Variants in ZMIZ1 observed in about 807,000 individuals in gnomAD.
The protein encoded by ZMIZ1 is zinc finger MIZ-type containing 1.
In ZMIZ1, 17 loss-of-function variants were observed where a neutral mutation model predicts 113.9. The observed-to-expected ratio is 0.15, with a 90% CI of 0.10 to 0.22. ZMIZ1 has a LOEUF of 0.22. Ranked by LOEUF, ZMIZ1 falls within the 10% of genes least tolerant of loss-of-function variation. ZMIZ1 has a pLI of 1.00. For synonymous variants in ZMIZ1, 607 were observed against 603.1 expected (o/e 1.01, Z -0.09); for missense variants, 1,059 against 1,477.8 (o/e 0.72, Z 4.65).
At chr10:79,166,002 G>GTGTGTGTGTGTGTGTGTGT (rs56386650) in intron 4 of ZMIZ1, among the ~76,000 whole-genome samples, 46 of 13,450 alleles carry the variant, frequency 3.4e-3, no homozygotes, top group East Asian at 6.2e-3. Context: ...GTGTGTGTGT[G>GTGTGTGTGTGTGTGTGTGT]GGCTCTCCCT....
At chr10:79,111,224 G>A (rs546249600) in intron 1 of ZMIZ1, among the ~76,000 whole-genome samples, 1 of 152,276 alleles carries the variant, frequency 6.6e-6, no homozygotes, top group East Asian at 1.9e-4. Flanking sequence ...TGGCACCCAG[G>A]CCAGGGCAGG....
Position 79,293,452 on chromosome 10 carries a change from G to C in ZMIZ1, c.1029G>C (p.Gly343=). ...GGCCGCGGGGGCCTGCCTCCATGGG[G>C]GGCAGCATGAACCCCGCGAGCATGG... The part of the protein sequence containing the change: ...QPGPRGPASM[G]GSMNPASMAA... Residue 343 remains glycine, a synonymous_variant, in exon 12 of 25, where the codon GGG becomes GGC. Coordinates refer to ENST00000334512, the MANE Select transcript of ZMIZ1 (RefSeq NM_020338.4). 1 of 1,548,980 alleles carries C rather than the reference G, an allele frequency of 6.5e-7. No homozygotes were observed. The highest frequency in any genetic ancestry group is 8.7e-7 in the Non-Finnish European group (1 of 1,146,760).
At chr10:79,280,823 C>A (rs1283189092) in intron 8 of ZMIZ1, among the ~76,000 whole-genome samples, 1 of 152,110 alleles carries the variant, frequency 6.6e-6, no homozygotes, top group Non-Finnish European at 1.5e-5. Context: ...CTCTGTGTAC[C>A]CTTTGCTAAA....
intron 7 of ZMIZ1, among the ~76,000 whole-genome samples, chr10:79,272,510 C>A (rs1030122354): frequency 6.6e-6 from 1 of 152,246 alleles, no homozygotes; most frequent in African/African-American, 2.4e-5. Context: ...GTCCTCCCAG[C>A]CTGCGGAGCT....
chr10:79,190,289 G>T (rs746299255), intron 4 of ZMIZ1, among the ~76,000 whole-genome samples: 17 of 152,222 alleles, frequency 1.1e-4, no homozygotes, highest in Non-Finnish European at 2.5e-4. Context: ...CAGCAGGGGT[G>T]GACTGGATGT....
At chr10:79,185,797 G>C (rs1847328501) in intron 4 of ZMIZ1, among the ~76,000 whole-genome samples, 1 of 82,166 alleles carries the variant, frequency 1.2e-5, no homozygotes. Flanking sequence ...GGAAGAGATG[G>C]TTTTAGAAAA....
chr10:79,093,099 A>G (rs1843033646), intron 1 of ZMIZ1, among the ~76,000 whole-genome samples: 1 of 149,452 alleles, frequency 6.7e-6, no homozygotes, highest in Non-Finnish European at 1.5e-5. Context: ...CAAGCTTCAG[A>G]TAATTATTAT....
chr10:79,308,099 G>A (rs528715889), intron 23 of ZMIZ1, among the ~76,000 whole-genome samples: 22 of 152,320 alleles, frequency 1.4e-4, no homozygotes, highest in South Asian at 2.1e-4. Context: ...GGCTGAGGAC[G>A]TCCCTGGTGG....
intron 1 of ZMIZ1, among the ~76,000 whole-genome samples, chr10:79,103,830 G>T (rs537219671): frequency 6.6e-6 from 1 of 152,300 alleles, no homozygotes; most frequent in East Asian, 1.9e-4. Context: ...CCGGTCCCCT[G>T]GCTTGGAGGC....
intron 1 of ZMIZ1, among the ~76,000 whole-genome samples, chr10:79,081,547 G>A (rs1384770434): frequency 6.6e-6 from 1 of 152,180 alleles, no homozygotes; most frequent in African/African-American, 2.4e-5. Context: ...GCCTCTTGCA[G>A]CATGCTCGCC....
At chr10:79,179,935 C>T (rs1180261119) in intron 4 of ZMIZ1, among the ~76,000 whole-genome samples, 1 of 152,224 alleles carries the variant, frequency 6.6e-6, no homozygotes, top group Non-Finnish European at 1.5e-5. Context: ...TCTCAGAGGC[C>T]AGTGTCAGAT....
At chr10:79,273,990 GA>G (rs1366959917) in intron 7 of ZMIZ1, among the ~76,000 whole-genome samples, 3 of 152,180 alleles carry the variant, frequency 2.0e-5, no homozygotes, top group African/African-American at 7.2e-5. Context: ...TATGAAGGGG[GA>G]AAGGGACATT....
At chr10:79,120,054 G>A (rs952661776) in intron 2 of ZMIZ1, among the ~76,000 whole-genome samples, 1 of 152,174 alleles carries the variant, frequency 6.6e-6, no homozygotes, top group African/African-American at 2.4e-5. Context: ...AGGCTGGGGG[G>A]AGAATTCTGG....
intron 4 of ZMIZ1, among the ~76,000 whole-genome samples, chr10:79,201,066 G>A (rs1050375627): frequency 3.3e-5 from 5 of 152,136 alleles, no homozygotes; most frequent in African/African-American, 1.2e-4. Flanking sequence ...CCAGCACTTT[G>A]GGAGCCTGAG....
intron 23 of ZMIZ1, among the ~76,000 whole-genome samples, chr10:79,309,678 GAGGA>G (rs1346063519): frequency 6.6e-6 from 1 of 152,250 alleles, no homozygotes; most frequent in Non-Finnish European, 1.5e-5. Context: ...GAAACAGGAA[GAGGA>G]AGGAAGTTGG....
At chr10:79,232,900 T>C (rs1104906) in intron 7 of ZMIZ1, among the ~76,000 whole-genome samples, 100,439 of 152,018 alleles carry the variant, frequency 0.66, 33,375 homozygotes, top group East Asian at 0.78. Context: ...ACCTGCCCCC[T>C]GGGGTTCCAA....
intron 7 of ZMIZ1, among the ~76,000 whole-genome samples, chr10:79,262,682 T>C (rs1851341671): frequency 6.6e-6 from 1 of 152,258 alleles, no homozygotes; most frequent in South Asian, 2.1e-4. Context: ...TCAGGTTGTC[T>C]TGAACGGCGT....
intron 8 of ZMIZ1, among the ~76,000 whole-genome samples, chr10:79,288,811 C>CA (rs1163129268): frequency 1.3e-5 from 2 of 152,194 alleles, no homozygotes; most frequent in Non-Finnish European, 1.5e-5. Flanking sequence ...ACTGGACACT[C>CA]ACTGTAGACC....
intron 2 of ZMIZ1, among the ~76,000 whole-genome samples, chr10:79,123,330 G>A (rs771344676): frequency 3.0e-4 from 46 of 152,134 alleles, no homozygotes; most frequent in Non-Finnish European, 1.2e-4. Flanking sequence ...TCTGATGAGC[G>A]ACTTCATCTC....
Sources: allele counts gnomAD v4.1 joint callset (sites outside exome capture counted in the v4.1 genomes callset), GRCh38; gene constraint gnomAD v4.1.1; transcripts MANE v1.5; gene names NCBI Gene and HGNC (gene_info 2026-07-23, HGNC 2026-07-21).